Variants in SCARA3 observed in about 807,000 individuals in gnomAD.
SCARA3 encodes the protein cellular stress response gene protein.
SCARA3 carries 39 observed loss-of-function variants against 47.0 expected under a neutral mutation model. The ratio of observed to expected loss-of-function variants is 0.83; its 90% CI spans 0.64 to 1.08. SCARA3 has a LOEUF of 1.08. Among genes scored for constraint, SCARA3 ranks in the 50% least tolerant of loss-of-function variants. The probability of loss-of-function intolerance (pLI) is 0.00; values close to 1 mark genes in which losing one functional copy is unlikely to be tolerated. For missense variants in SCARA3, 724 were observed against 792.3 expected (o/e 0.91, Z 1.04); for synonymous variants, 356 against 334.1 (o/e 1.07, Z -0.71).
chr8:27,690,836 C>G, the SCARA3 span, among the ~76,000 whole-genome samples: 4 of 152,126 alleles, frequency 2.6e-5, no homozygotes, highest in Non-Finnish European at 5.9e-5. Flanking sequence ...GCACACACCA[C>G]CATGCCTGGC....
the SCARA3 span, among the ~76,000 whole-genome samples, chr8:27,724,892 C>T: frequency 6.6e-6 from 1 of 152,084 alleles, no homozygotes; most frequent in Non-Finnish European, 1.5e-5. Context: ...AGGCAGATTC[C>T]AACTAGATGT....
rs139063812 is a variant in SCARA3, at chr8:27,651,564, G to T, written c.163G>T (p.Val55Leu). Residue 55 changes from valine (V) to leucine (L), a missense_variant, in exon 3 of 6, where the codon GTG (valine) becomes TTG (leucine). Transcript: ENST00000301904. ...CQKNLSLHTS[V>L]RILYLFLALL... ...GAAGAACCTATCTTTGCACACATCG[G>T]TGCGGATTCTTTACCTCTTCCTGGC... is the stretch of plus-strand genomic sequence containing the variant. 1 of 1,614,102 alleles carries T rather than the reference G, an allele frequency of 6.2e-7. No individual in the cohort carries two copies. Among genetic ancestry groups the T allele is most frequent in the Non-Finnish European group, 8.5e-7 (1 of 1,180,036 alleles).
chr8:27,655,108 A>G (rs1272707565), intron 3 of SCARA3, among the ~76,000 whole-genome samples: 1 of 152,248 alleles, frequency 6.6e-6, no homozygotes. Context: ...GAGATGTACA[A>G]TATTAACTGG....
chr8:27,660,165 T>C (rs538442528), intron 5 of SCARA3, among the ~76,000 whole-genome samples: 2 of 152,124 alleles, frequency 1.3e-5, no homozygotes, highest in African/African-American at 4.8e-5. Context: ...ATGTCTTCCT[T>C]ATTTATCAGG....
the SCARA3 span, among the ~76,000 whole-genome samples, chr8:27,713,664 A>G: frequency 6.6e-6 from 1 of 152,216 alleles, no homozygotes; most frequent in East Asian, 1.9e-4. Context: ...AGTTGTCCCC[A>G]TTGTTCCTGG....
At chr8:27,695,058 T>C in the SCARA3 span, among the ~76,000 whole-genome samples, 1 of 152,012 alleles carries the variant, frequency 6.6e-6, no homozygotes, top group Non-Finnish European at 1.5e-5. Flanking sequence ...GAACCAAATA[T>C]AAGAGATAAA....
downstream of SCARA3, among the ~76,000 whole-genome samples, chr8:27,677,848 A>G (rs1189971209): frequency 1.3e-5 from 2 of 152,214 alleles, no homozygotes; most frequent in Non-Finnish European, 2.9e-5. Flanking sequence ...CACAGGAAAT[A>G]TGTTCTGTGA....
intron 5 of SCARA3, among the ~76,000 whole-genome samples, chr8:27,659,806 C>T (rs926700947): frequency 8.3e-5 from 10 of 120,042 alleles, no homozygotes; most frequent in African/African-American, 2.8e-4. Context: ...GCTATGATTG[C>T]ACCACTGCAC....
chr8:27,700,916 C>G, the SCARA3 span, among the ~76,000 whole-genome samples: 1 of 152,144 alleles, frequency 6.6e-6, no homozygotes, highest in African/African-American at 2.4e-5. Flanking sequence ...TATGATCCAG[C>G]AATTTCACTT....
chr8:27,699,119 C>T, the SCARA3 span, among the ~76,000 whole-genome samples: 2 of 151,830 alleles, frequency 1.3e-5, no homozygotes, highest in Non-Finnish European at 2.9e-5. Flanking sequence ...TGGCGGGCGC[C>T]TGTAGTCCCA....
At chr8:27,717,509 G>T in the SCARA3 span, among the ~76,000 whole-genome samples, 2 of 152,128 alleles carry the variant, frequency 1.3e-5, no homozygotes, top group South Asian at 4.1e-4. Context: ...AATAGACCAG[G>T]CTCAGTGGCC....
At chr8:27,730,208 T>A in the SCARA3 span, among the ~76,000 whole-genome samples, 1 of 152,190 alleles carries the variant, frequency 6.6e-6, no homozygotes, top group Non-Finnish European at 1.5e-5. Context: ...AAGAAACCAT[T>A]CATCCTGTAA....
chr8:27,646,061 A>G (rs1271287231), intron 1 of SCARA3, among the ~76,000 whole-genome samples: 1 of 152,172 alleles, frequency 6.6e-6, no homozygotes, highest in Non-Finnish European at 1.5e-5. Context: ...AGCATTCCAG[A>G]CATAGGTGAG....
At chr8:27,705,188 G>A in the SCARA3 span, among the ~76,000 whole-genome samples, 3 of 152,274 alleles carry the variant, frequency 2.0e-5, no homozygotes, top group African/African-American at 7.2e-5. Context: ...TTCCAATGGG[G>A]TATTGAGGAA....
At chr8:27,660,557 AGAT>A (rs1563410084) in intron 5 of SCARA3, among the ~76,000 whole-genome samples, 1 of 151,052 alleles carries the variant, frequency 6.6e-6, no homozygotes, top group Non-Finnish European at 1.5e-5. Context: ...ATAGATAGAT[AGAT>A]AATAGATAGA....
the SCARA3 span, among the ~76,000 whole-genome samples, chr8:27,699,068 C>A: frequency 6.6e-6 from 1 of 151,708 alleles, no homozygotes; most frequent in African/African-American, 2.4e-5. Flanking sequence ...CATGGTGAAA[C>A]CCTGTCTCTA....
chr8:27,719,963 A>G, the SCARA3 span, among the ~76,000 whole-genome samples: 23 of 152,316 alleles, frequency 1.5e-4, no homozygotes, highest in African/African-American at 5.5e-4. Context: ...GCCAAGGAAC[A>G]CAGAGAAAAA....
the SCARA3 span, among the ~76,000 whole-genome samples, chr8:27,728,374 G>A: frequency 0.013 from 2,003 of 152,336 alleles, 44 homozygotes; most frequent in African/African-American, 0.045. Context: ...CCCACAAATG[G>A]GTGGAAAAGA....
At chr8:27,707,074 G>A in the SCARA3 span, among the ~76,000 whole-genome samples, 1 of 152,176 alleles carries the variant, frequency 6.6e-6, no homozygotes, top group South Asian at 2.1e-4. Flanking sequence ...AATAGTGAGG[G>A]TGAGATTTAG....
Sources: gnomAD v4.1 joint callset for allele counts (sites outside exome capture counted in the v4.1 genomes callset) on GRCh38, gnomAD v4.1.1 for gene constraint, MANE v1.5 for transcripts, NCBI Gene and HGNC (gene_info 2026-07-23, HGNC 2026-07-21) for gene names.